MAS1: variants seen among roughly 807,000 people sequenced by gnomAD.
MAS1 encodes MAS1 proto-oncogene, G protein-coupled receptor.
For synonymous variants in MAS1, 163 were observed against 164.2 expected (o/e 0.99, Z 0.05); for missense variants, 387 against 409.7 (o/e 0.94, Z 0.48).
rs1782997488 is a variant in MAS1, at chr6:159,914,344, A to G, written c.*6411A>G. ...GCAATTGAGAAGATAGTCACCTCTG[A>G]CAGTTTTTTAAGGGTTCTTGGTGGT... is the stretch of plus-strand genomic sequence containing the variant. On this transcript the variant is annotated 3_prime_UTR_variant, in exon 3 of 3. Coordinates refer to ENST00000674077, the MANE Select transcript of MAS1 (RefSeq NM_002377.4). 1 of 150,256 alleles carries G rather than the reference A, an allele frequency of 6.7e-6. No homozygotes were observed. Among genetic ancestry groups the G allele is most frequent in the Admixed American group, 6.6e-5 (1 of 15,120 alleles). 9.3% of individuals were successfully genotyped at this position (150,256 alleles called of 1,614,324 possible). A position where few individuals can be genotyped will look rare whatever the true frequency, so the allele number is the denominator to read the frequency against.
In MAS1 at chr6:159,915,138, C is replaced by T. The variant is rs1783007519; in HGVS notation, c.*7205C>T. On this transcript the variant is annotated 3_prime_UTR_variant, in exon 3 of 3. Transcript: ENST00000674077. ...TTGAGCTCTCCCAAAATGTCCCCTT[C>T]TCCTACATTGGCACACGCTTTGGTT... The T allele has an allele frequency of 1.3e-5, 2 of 152,214 alleles. No homozygotes were observed. Among genetic ancestry groups the T allele is most frequent in the Non-Finnish European group, 2.9e-5 (2 of 68,036 alleles). The allele number at this position is 152,214 out of a possible 1,614,324, so 9.4% of individuals were successfully genotyped here.
intron 2 of MAS1, chr6:159,902,239 T>C (rs899156864): frequency 6.6e-6 from 1 of 152,160 alleles, no homozygotes; most frequent in African/African-American, 2.4e-5. Flanking sequence ...AATTTACATC[T>C]CTGGTCTTTG....
chr6:159,916,704 T>C lies in MAS1; in HGVS notation c.*8771T>C, dbSNP rs747071219. Among the ~76,000 whole-genome samples the C allele has an allele frequency of 7.2e-5, 11 of 152,188 alleles. No homozygotes were observed. Among genetic ancestry groups the C allele is most frequent in the Non-Finnish European group, 1.6e-4 (11 of 68,028 alleles). On this transcript the variant is annotated 3_prime_UTR_variant, in exon 3 of 3. Transcript: ENST00000674077. ...GTGAGAGGCAAAGACACGAGGCCAA[T>C]TCAACAACCCACCTCAAACCTGTAT...
At position 159,915,499 on chromosome 6, in the gene MAS1, G is replaced by A. The variant is rs1212882302; in HGVS notation, c.*7566G>A. ...AGGTTATTGTTCCGCAGGCACTCCT[G>A]TGGGGAAGGAGTGATTTGCAGGCTT... On this transcript the variant is annotated 3_prime_UTR_variant, in exon 3 of 3. Coordinates refer to ENST00000674077, the MANE Select transcript of MAS1 (RefSeq NM_002377.4). 1 of 152,264 alleles carries A rather than the reference G, an allele frequency of 6.6e-6. No homozygotes were observed. The highest frequency in any genetic ancestry group is 1.9e-4 in the East Asian group (1 of 5,202). 9.4% of individuals were successfully genotyped at this position (152,264 alleles called of 1,614,324 possible).
In MAS1 at chr6:159,907,804, G is replaced by A; in HGVS notation, c.849G>A (p.Val283=). 6.2e-7 allele frequency: 1 copy of A among 1,613,026 alleles called. No individual in the cohort carries two copies. The stretch of plus-strand genomic sequence containing the variant: ...CCAACCCTTTCATTTACTTCTTTGT[G>A]GGAAGCAGTAAGAAGAAGAGATTCA... The part of the protein sequence containing the change: ...SSANPFIYFF[V]GSSKKKRFKE... Residue 283 remains valine, a synonymous_variant, in exon 3 of 3, where the codon GTG becomes GTA. Transcript: ENST00000674077.
Position 159,910,217 on chromosome 6 carries a change from T to C in MAS1, c.*2284T>C, listed in dbSNP as rs1782949433. The C allele has an allele frequency of 6.6e-6, 1 of 152,198 alleles. No homozygotes were observed. The highest frequency in any genetic ancestry group is 2.4e-5 in the African/African-American group (1 of 41,438). 9.4% of individuals were successfully genotyped at this position (152,198 alleles called of 1,614,324 possible). A position where few individuals can be genotyped will look rare whatever the true frequency, so the allele number is the denominator to read the frequency against. ...ACTGAACGGGAAGGGTTTGTAGCATTCCTACTACAAAGATTCATGCACAGC... is the reference window on the plus strand; with the variant it reads ...ACTGAACGGGAAGGGTTTGTAGCATCCCTACTACAAAGATTCATGCACAGC... On this transcript the variant is annotated 3_prime_UTR_variant, in exon 3 of 3. Transcript: ENST00000674077.
intron 2 of MAS1, among the ~76,000 whole-genome samples, chr6:159,900,979 T>C (rs1050651663): frequency 1.3e-4 from 20 of 152,308 alleles, no homozygotes; most frequent in Non-Finnish European, 2.5e-4. Flanking sequence ...GAAATTTATT[T>C]TCTGACAGTT....
At chr6:159,895,056 T>C (rs1038309418) in intron 1 of MAS1, among the ~76,000 whole-genome samples, 5 of 152,216 alleles carry the variant, frequency 3.3e-5, no homozygotes, top group African/African-American at 9.6e-5. Flanking sequence ...AACAACCCAG[T>C]TGATTGTGCG....
intron 2 of MAS1, among the ~76,000 whole-genome samples, chr6:159,905,770 G>A (rs987109557): frequency 2.0e-5 from 3 of 152,168 alleles, no homozygotes; most frequent in South Asian, 2.1e-4. Flanking sequence ...TGGCCGGCAC[G>A]GTGGCTTACA....
chr6:159,906,935 G>C lies in MAS1; in HGVS notation c.-21G>C. 6.4e-7 allele frequency: 1 copy of C among 1,574,752 alleles called. No homozygotes were observed. The highest frequency in any genetic ancestry group is 8.7e-7 in the Non-Finnish European group (1 of 1,154,918). On this transcript the variant is annotated 5_prime_UTR_variant, in exon 3 of 3. Transcript: ENST00000674077. ...ATATTTACAGAAAATTACCTGAAGA[G>C]TTCCAACCTGAGGCCTCCTCATGGA...
intron 1 of MAS1, among the ~76,000 whole-genome samples, chr6:159,898,845 G>C (rs1782792181): frequency 6.6e-6 from 1 of 151,474 alleles, no homozygotes; most frequent in Non-Finnish European, 1.5e-5. Context: ...CTCAGCTCAT[G>C]GTCAGAAGTC....
Position 159,910,200 on chromosome 6 carries a change from G to A in MAS1, c.*2267G>A, listed in dbSNP as rs746125235. On this transcript the variant is annotated 3_prime_UTR_variant, in exon 3 of 3. Transcript: ENST00000674077. Reference sequence around the variant, plus strand: ...GGATAATGCCTGTCCTAACTGAACGGGAAGGGTTTGTAGCATTCCTACTAC... The same window carrying A: ...GGATAATGCCTGTCCTAACTGAACGAGAAGGGTTTGTAGCATTCCTACTAC... 1 of 152,224 alleles carries A rather than the reference G, an allele frequency of 6.6e-6. No individual in the cohort carries two copies. The highest frequency in any genetic ancestry group is 1.5e-5 in the Non-Finnish European group (1 of 68,054). 9.4% of individuals were successfully genotyped at this position (152,224 alleles called of 1,614,324 possible). A position where few individuals can be genotyped will look rare whatever the true frequency, so the allele number is the denominator to read the frequency against.
rs1330199296 is a variant in MAS1, at chr6:159,912,037, T to G, written c.*4104T>G. 1 of 152,352 alleles carries G rather than the reference T, an allele frequency of 6.6e-6. No individual in the cohort carries two copies. The highest frequency in any genetic ancestry group is 1.5e-5 in the Non-Finnish European group (1 of 68,170). 9.4% of individuals were successfully genotyped at this position (152,352 alleles called of 1,614,324 possible). A position where few individuals can be genotyped will look rare whatever the true frequency, so the allele number is the denominator to read the frequency against. On this transcript the variant is annotated 3_prime_UTR_variant, in exon 3 of 3. Coordinates refer to ENST00000674077, the MANE Select transcript of MAS1 (RefSeq NM_002377.4). ...AGGACAGAATTTTCAGGAATCAGGA[T>G]GGAGGAGGGTTGGTGAACAGCACCA...
rs554726270 is a variant in MAS1 at position 159,917,289 on chromosome 6, G to A, written c.*9356G>A. Among the ~76,000 whole-genome samples the A allele has an allele frequency of 6.6e-6, 1 of 152,316 alleles. No individual in the cohort carries two copies. The highest frequency in any genetic ancestry group is 1.5e-5 in the Non-Finnish European group (1 of 68,030). On this transcript the variant is annotated 3_prime_UTR_variant, in exon 3 of 3. Coordinates refer to ENST00000674077, the MANE Select transcript of MAS1 (RefSeq NM_002377.4). ...TTAATCACAAGGAGATTTAAAAAAC[G>A]AGAGATTTTCTGTAGTAAGTACATT... is the stretch of plus-strand genomic sequence containing the variant.
In MAS1 at chr6:159,907,427, G is replaced by A. The variant is rs748472255; in HGVS notation, c.472G>A (p.Ala158Thr). 1 of 1,614,036 alleles carries A rather than the reference G, an allele frequency of 6.2e-7. No individual in the cohort carries two copies. The highest frequency in any genetic ancestry group is 1.1e-5 in the South Asian group (1 of 91,066). ...GGCATTGGTCTGTGCCCTTCTGTGG[G>A]CTCTTTCTTGCTTGGTGACCACCAT... Reference protein sequence around the residue: ...QSALVCALLWALSCLVTTMEY... With the variant: ...QSALVCALLWTLSCLVTTMEY... The change falls in exon 3 of 3, where the codon GCT (alanine) becomes ACT (threonine). Residue 158 changes from alanine to threonine, a missense_variant. Transcript: ENST00000674077.
chr6:159,891,610 T>A (rs1782699803), intron 1 of MAS1, among the ~76,000 whole-genome samples: 1 of 152,222 alleles, frequency 6.6e-6, no homozygotes, highest in Admixed American at 6.5e-5. Context: ...CAAGCTGTAT[T>A]GATTTTTCTT....
At chr6:159,897,235 T>G (rs576211959) in intron 1 of MAS1, among the ~76,000 whole-genome samples, 1 of 152,184 alleles carries the variant, frequency 6.6e-6, no homozygotes, top group Admixed American at 6.5e-5. Flanking sequence ...TGTGGAGTGC[T>G]GATTGGTCAG....
At chr6:159,905,698 C>G (rs953819147) in intron 2 of MAS1, among the ~76,000 whole-genome samples, 2 of 152,162 alleles carry the variant, frequency 1.3e-5, no homozygotes, top group African/African-American at 4.8e-5. Context: ...ATGTATTATT[C>G]TGCTTCAGGT....
chr6:159,895,889 G>A (rs1303835684), intron 1 of MAS1, among the ~76,000 whole-genome samples: 3 of 152,186 alleles, frequency 2.0e-5, no homozygotes, highest in Non-Finnish European at 4.4e-5. Context: ...ATATGTCCTA[G>A]GGGAATAATT....
Sources: allele counts gnomAD v4.1 joint callset (sites outside exome capture counted in the v4.1 genomes callset), GRCh38; gene constraint gnomAD v4.1.1; transcripts MANE v1.5; gene names NCBI Gene and HGNC (gene_info 2026-07-23, HGNC 2026-07-21).